Variants in ULK4 observed in about 807,000 individuals in gnomAD.
ULK4 encodes the protein unc-51 like kinase 4.
In ULK4, 133 loss-of-function variants were observed where a neutral mutation model predicts 160.6. The ratio of observed to expected loss-of-function variants is 0.83; its 90% confidence interval spans 0.72 to 0.96. The LOEUF (loss-of-function observed/expected upper bound fraction) is 0.96. Among genes scored for constraint, ULK4 ranks in the 40% least tolerant of loss-of-function variants. The probability of loss-of-function intolerance (pLI) is 0.00; values close to 1 mark genes in which losing one functional copy is unlikely to be tolerated. For synonymous variants in ULK4, 534 were observed against 539.8 expected, an observed-to-expected ratio of 0.99 and a Z score of 0.15; for missense variants, 1,580 against 1,499.5, an observed-to-expected ratio of 1.05 and a Z score of -0.89.
At chr3:41,706,877 GTGTGTGTGTGTGTA>G (rs1207382850) in intron 25 of ULK4, among the ~76,000 whole-genome samples, 11 of 129,566 alleles carry the variant, frequency 8.5e-5, no homozygotes, top group Non-Finnish European at 1.4e-4. Context: ...GTGTGTGTGT[GTGTGTGTGTGTGTA>G]TATATATATA....
chr3:41,356,596 AT>A (rs200287989), intron 35 of ULK4, among the ~76,000 whole-genome samples: 3 of 152,106 alleles, frequency 2.0e-5, no homozygotes, highest in South Asian at 2.1e-4. Flanking sequence ...TCTAAGATAT[AT>A]TTTTTTTAAC....
intron 31 of ULK4, among the ~76,000 whole-genome samples, chr3:41,573,493 T>A (rs1310470797): frequency 6.6e-6 from 1 of 152,220 alleles, no homozygotes; most frequent in African/African-American, 2.4e-5. Context: ...CTTTAACAAC[T>A]AAAAGTAACA....
At chr3:41,409,076 C>T (rs1199319295) in intron 34 of ULK4, among the ~76,000 whole-genome samples, 2 of 151,780 alleles carry the variant, frequency 1.3e-5, no homozygotes, top group African/African-American at 2.4e-5. Context: ...GGGAACGTGG[C>T]GAAACCCCAT....
At chr3:41,439,197 T>C (rs1307153704) in intron 34 of ULK4, among the ~76,000 whole-genome samples, 1 of 152,168 alleles carries the variant, frequency 6.6e-6, no homozygotes, top group African/African-American at 2.4e-5. Flanking sequence ...CTGGACCAAA[T>C]TCACTGAAGG....
intron 30 of ULK4, among the ~76,000 whole-genome samples, chr3:41,648,562 T>C (rs1014751738): frequency 1.3e-5 from 2 of 152,198 alleles, no homozygotes; most frequent in Admixed American, 1.3e-4. Context: ...CCTCATCAAT[T>C]GCAAACTGTT....
At chr3:41,736,876 G>A (rs2038071366) in intron 22 of ULK4, among the ~76,000 whole-genome samples, 1 of 151,728 alleles carries the variant, frequency 6.6e-6, no homozygotes, top group African/African-American at 2.4e-5. Flanking sequence ...TGTCTAAGGT[G>A]TAAGGAAGGG....
At chr3:41,882,407 C>A in intron 17 of ULK4, 1 of 639,664 alleles carries the variant, frequency 1.6e-6, no homozygotes, top group Non-Finnish European at 2.8e-6. Flanking sequence ...ATAAGTTGAT[C>A]ATCTCAATTC....
intron 35 of ULK4, among the ~76,000 whole-genome samples, chr3:41,332,173 T>C (rs1291518938): frequency 6.6e-6 from 1 of 151,786 alleles, no homozygotes; most frequent in Non-Finnish European, 1.5e-5. Context: ...ATAGGGTTGA[T>C]TGCTCTAATA....
In ULK4 at chr3:41,960,850, A is replaced by G. The variant is rs371141499; in HGVS notation, c.-49+1166T>C. Among the ~76,000 whole-genome samples, 25 of 152,296 alleles carry G rather than the reference A, an allele frequency of 1.6e-4. No homozygotes were observed. The East Asian group carries it at 4.6e-3, about 28-fold the overall frequency. On this transcript the variant is annotated intron_variant, in intron 1 of 36. Coordinates refer to ENST00000301831, the MANE Select transcript of ULK4 (RefSeq NM_017886.4). ...AGAATACATAGTTTAATGAATTACT[A>G]AAGAGGGACACCCTTCTAATCACCA...
intron 8 of ULK4, among the ~76,000 whole-genome samples, 192 bp downstream of exon 8, chr3:41,915,785 T>G (rs1698946413): frequency 6.6e-6 from 1 of 152,170 alleles, no homozygotes; most frequent in Non-Finnish European, 1.5e-5. Context: ...AGAGAAAAAC[T>G]TTTAATCCGA....
chr3:41,747,625 A>AT (rs1333777791), intron 22 of ULK4, among the ~76,000 whole-genome samples: 1 of 152,126 alleles, frequency 6.6e-6, no homozygotes, highest in African/African-American at 2.4e-5. Context: ...GTGTTTGGAG[A>AT]TAAGGCTGTA....
At chr3:41,545,563 C>T (rs2086831206) in intron 32 of ULK4, among the ~76,000 whole-genome samples, 1 of 152,032 alleles carries the variant, frequency 6.6e-6, no homozygotes, top group African/African-American at 2.4e-5. Flanking sequence ...TAAGATTTTA[C>T]CTCCAATTTT....
intron 32 of ULK4, among the ~76,000 whole-genome samples, chr3:41,511,529 G>T (rs1362428451): frequency 6.6e-6 from 1 of 152,018 alleles, no homozygotes; most frequent in East Asian, 1.9e-4. Flanking sequence ...ACATAAACTA[G>T]AAAACCTAGA....
At chr3:41,951,706 T>C (rs1272401124) in intron 2 of ULK4, among the ~76,000 whole-genome samples, 1 of 152,196 alleles carries the variant, frequency 6.6e-6, no homozygotes, top group African/African-American at 2.4e-5. Context: ...AAAATTCACA[T>C]TGAAACCTAA....
chr3:41,626,529 C>CTT (rs767066822), intron 30 of ULK4, among the ~76,000 whole-genome samples: 68 of 134,998 alleles, frequency 5.0e-4, no homozygotes, highest in Middle Eastern at 7.6e-3. Flanking sequence ...AAGTACATTG[C>CTT]TTTTTTTTTT....
chr3:41,538,871 T>C (rs939388697), intron 32 of ULK4, among the ~76,000 whole-genome samples: 7 of 152,164 alleles, frequency 4.6e-5, no homozygotes, highest in African/African-American at 1.4e-4. Flanking sequence ...TCTATAAGCA[T>C]GTGTATGCAT....
intron 22 of ULK4, among the ~76,000 whole-genome samples, chr3:41,722,372 T>C (rs1227365689): frequency 6.6e-6 from 1 of 152,140 alleles, no homozygotes; most frequent in Non-Finnish European, 1.5e-5. Flanking sequence ...CTCACACCTG[T>C]AATCCCAGCA....
At chr3:41,451,393 G>A (rs561837187) in intron 34 of ULK4, among the ~76,000 whole-genome samples, 3 of 151,714 alleles carry the variant, frequency 2.0e-5, no homozygotes, top group East Asian at 3.9e-4. Context: ...ACTTTATGAG[G>A]GCAGGAGGGA....
intron 35 of ULK4, among the ~76,000 whole-genome samples, chr3:41,362,325 G>C (rs1253772031): frequency 6.6e-6 from 1 of 152,078 alleles, no homozygotes; most frequent in Admixed American, 6.6e-5. Flanking sequence ...AACAGAAAAG[G>C]TAGAATTCAT....
Sources: gnomAD v4.1 joint callset for allele counts (sites outside exome capture counted in the v4.1 genomes callset) on GRCh38, gnomAD v4.1.1 for gene constraint, MANE v1.5 for transcripts, NCBI Gene and HGNC (gene_info 2026-07-23, HGNC 2026-07-21) for gene names.